MUC4: variants seen among roughly 807,000 people sequenced by gnomAD.
MUC4 encodes mucin-4.
A neutral mutation model predicts 257.9 loss-of-function variants in MUC4; 202 were observed. The observed-to-expected ratio is 0.78, with a 90% CI of 0.70 to 0.88. The LOEUF is 0.88. Among genes scored for constraint, MUC4 ranks in the 40% least tolerant of loss-of-function variants. The pLI, the probability that MUC4 is intolerant of heterozygous loss-of-function variation, is 0.00. For missense variants in MUC4, 5,976 were observed against 6,513.7 expected, an observed-to-expected ratio of 0.92 and a Z score of 2.84; for synonymous variants, 2,351 against 2,757.1, an observed-to-expected ratio of 0.85 and a Z score of 4.62.
intron 7 of MUC4, among the ~76,000 whole-genome samples, chr3:195,767,573 T>TCGC (rs1721137978): frequency 6.5e-5 from 4 of 61,904 alleles, no homozygotes; most frequent in Non-Finnish European, 1.2e-4. Context: ...GCCACCACCA[T>TCGC]CACCACCACC....
chr3:195,802,388 C>T (rs1270901606), intron 1 of MUC4, among the ~76,000 whole-genome samples: 1 of 152,242 alleles, frequency 6.6e-6, no homozygotes, highest in Non-Finnish European at 1.5e-5. Context: ...GTTCCGCACC[C>T]CTGCTCTCAG....
chr3:195,764,079 G>A lies in MUC4; in HGVS notation c.14010C>T (p.His4670=), dbSNP rs781407488. The change falls in exon 11 of 25, where the codon CAC becomes CAT. Residue 4670 remains histidine, a synonymous_variant. Transcript: ENST00000463781. ...GGGGCCTGTATGTAGCACAGCCCAC[G>A]TGGGGCCGCCTCTGCTGGTACAGGG... ...LCALYQQRRP[H]VGCATYRPPQ... 27 of 1,609,908 alleles carry A rather than the reference G, an allele frequency of 1.7e-5. No homozygotes were observed. Among genetic ancestry groups the A allele is most frequent in the South Asian group, 1.6e-4 (14 of 90,222 alleles).
At position 195,754,345 on chromosome 3, in the gene MUC4, T is replaced by C; in HGVS notation, c.15196A>G (p.Thr5066Ala). 1.2e-6 allele frequency: 2 copies of C among 1,610,670 alleles called. No individual in the cohort carries two copies. The highest frequency in any genetic ancestry group is 1.7e-6 in the Non-Finnish European group (2 of 1,178,966). Reference protein sequence around the residue: ...EVAGCKCDGGTFGRYCEGSED... With the variant: ...EVAGCKCDGGAFGRYCEGSED... ...GAGCCCTCGCAGTAGCGGCCGAAGG[T>C]GCCCCCGTCACACTTGCAGCCAGCC... Residue 5066 changes from threonine to alanine, a missense_variant, in exon 19 of 25, where the codon ACC becomes GCC. Coordinates refer to ENST00000463781, the MANE Select transcript of MUC4 (RefSeq NM_018406.7).
chr3:195,788,902 G>T lies in MUC4; in HGVS notation c.2678C>A (p.Ser893Tyr). The T allele has an allele frequency of 6.2e-7, 1 of 1,613,760 alleles. No individual in the cohort carries two copies. Among genetic ancestry groups the T allele is most frequent in the East Asian group, 2.2e-5 (1 of 44,874 alleles). Reference protein sequence around the residue: ...GRPTGQSSPTSPSASPQETAA... With the variant: ...GRPTGQSSPTYPSASPQETAA... ...TGTCTCCTGAGGAGAGGCACTGGGA[G>T]AAGTTGGGCTTGACTGTCCTGTCGG... The change falls in exon 2 of 25, where the codon TCT becomes TAT. Residue 893 changes from serine to tyrosine, a missense_variant. Physicochemically the swap from Ser to Tyr is moderately radical, Grantham distance 144. This residue lies in a region of MUC4 where 1,583 missense variants were observed against 1,257.4 expected (regional missense o/e 1.26). Coordinates refer to ENST00000463781, the MANE Select transcript of MUC4 (RefSeq NM_018406.7).
chr3:195,773,386 G>A (rs1036627008), intron 4 of MUC4, among the ~76,000 whole-genome samples: 16 of 150,620 alleles, frequency 1.1e-4, no homozygotes, highest in African/African-American at 3.7e-4. Flanking sequence ...TCACTCAGGG[G>A]TGCAGACACC....
In MUC4 at chr3:195,789,306, G is replaced by A; in HGVS notation, c.2274C>T (p.Ala758=). The A allele has an allele frequency of 6.2e-7, 1 of 1,613,942 alleles. No individual in the cohort carries two copies. Among genetic ancestry groups the A allele is most frequent in the Non-Finnish European group, 8.5e-7 (1 of 1,179,872 alleles). The change falls in exon 2 of 25, where the codon GCC becomes GCT. Residue 758 remains alanine (A), a synonymous_variant. Transcript: ENST00000463781. The part of the protein sequence containing the change: ...PGGPEGQWTS[A]SASTSPDTAA... ...CTGTGTCAGGTGAGGTGCTGGCAGA[G>A]GCTGATGTCCATTGTCCTTCTGGGC...
In MUC4 at chr3:195,774,206, A is replaced by G. The variant is rs750673118; in HGVS notation, c.13043T>C (p.Phe4348Ser). The change falls in exon 4 of 25, where the codon TTC (phenylalanine) becomes TCC (serine). Residue 4348 changes from phenylalanine (F) to serine (S), a missense_variant. Physicochemically the swap from Phe to Ser is radical, Grantham distance 155 (BLOSUM62 -2). Around this residue, in one of 44 missense-constraint regions of MUC4, gnomAD observed 233 missense variants for 171.2 expected, o/e 1.36. Transcript: ENST00000463781. Reference sequence around the variant, plus strand: ...ATCACGGAGAGAGGAGCCAAGGGGGAAGCCAGTCGCCGGCTTGAAGAGTGG... The same window carrying G: ...ATCACGGAGAGAGGAGCCAAGGGGGGAGCCAGTCGCCGGCTTGAAGAGTGG... ...TSPLFKPATG[F>S]PLGSSLRDSL... The G allele has an allele frequency of 2.5e-6, 4 of 1,608,334 alleles. No individual in the cohort carries two copies. The Admixed American group carries it at 6.7e-5, about 27-fold the overall frequency.
chr3:195,748,908 C>A lies in MUC4; in HGVS notation c.16028G>T (p.Arg5343Leu), dbSNP rs779517418. The A allele has an allele frequency of 6.3e-7, 1 of 1,579,246 alleles. No homozygotes were observed. Among genetic ancestry groups the A allele is most frequent in the Non-Finnish European group, 8.6e-7 (1 of 1,163,742 alleles). ...TGGCCACAGCCCTATGCACCTGCAG[C>A]GGGGCCCACTGGGCAGGTGCTGGCA... ...GQCQHLPSGP[R>L]CSCVSFSIYT... is the part of the protein sequence containing the mutation. The change falls in exon 24 of 25, where the codon CGC becomes CTC. Residue 5343 changes from arginine (R) to leucine (L), a missense_variant. By Grantham distance (102) the Arg-to-Leu change is moderately radical. Coordinates refer to ENST00000463781, the MANE Select transcript of MUC4 (RefSeq NM_018406.7).
rs1166897967 is a variant in MUC4, at chr3:195,791,083, G to A, written c.497C>T (p.Thr166Ile). ...TAGTESSTPV[T>I]SAVSITAGQE... Reference sequence around the variant, plus strand: ...TCCAGCTGTTATTGAGACTGCTGAGGTCACTGGGGTAGAACTTTCAGTTCC... The same window carrying A: ...TCCAGCTGTTATTGAGACTGCTGAGATCACTGGGGTAGAACTTTCAGTTCC... Residue 166 changes from threonine (T) to isoleucine (I), a missense_variant, in exon 2 of 25, where the codon ACC (threonine) becomes ATC (isoleucine). Around this residue, in one of 44 missense-constraint regions of MUC4, gnomAD observed 1,583 missense variants for 1,257.4 expected, o/e 1.26. Transcript: ENST00000463781. The A allele has an allele frequency of 6.2e-7, 1 of 1,613,710 alleles. No homozygotes were observed. Among genetic ancestry groups the A allele is most frequent in the Admixed American group, 1.7e-5 (1 of 60,002 alleles).
intron 7 of MUC4, among the ~76,000 whole-genome samples, chr3:195,767,940 C>T (rs2148847156): frequency 1.4e-5 from 1 of 73,990 alleles, no homozygotes; most frequent in South Asian, 5.2e-4. Flanking sequence ...ACCGCCACTA[C>T]CACCACCACC....
intron 3 of MUC4, among the ~76,000 whole-genome samples, chr3:195,776,100 C>T (rs1436119295): frequency 6.1e-5 from 2 of 32,594 alleles, no homozygotes; most frequent in Admixed American, 2.6e-4. Flanking sequence ...CCTTCCACAC[C>T]CATACCTTCC....
intron 4 of MUC4, among the ~76,000 whole-genome samples, chr3:195,773,616 T>C (rs1196239616): frequency 6.3e-5 from 8 of 126,704 alleles, no homozygotes; most frequent in African/African-American, 2.0e-4. Context: ...ACCCTCTCTC[T>C]ATCGCTCAGC....
At chr3:195,767,630 T>TCAC (rs1240458054) in intron 7 of MUC4, among the ~76,000 whole-genome samples, 14 of 26,706 alleles carry the variant, frequency 5.2e-4, no homozygotes, top group East Asian at 1.5e-3. Flanking sequence ...ATCACCACCA[T>TCAC]CACCACCACC....
intron 4 of MUC4, among the ~76,000 whole-genome samples, chr3:195,773,583 G>T (rs74492031): frequency 1.8e-5 from 2 of 110,332 alleles, no homozygotes; most frequent in South Asian, 2.9e-4. Context: ...ACACCCTCTC[G>T]CCATCGCTCA....
rs199896027 is a variant in MUC4 at position 195,779,411 on chromosome 3, A to C, written c.12169T>G (p.Leu4057Val). Residue 4057 changes from leucine (L) to valine (V), a missense_variant, in exon 2 of 25, where the codon TTA (leucine) becomes GTA (valine). Physicochemically the swap from Leu to Val is conservative, Grantham distance 32 (BLOSUM62 1). This residue lies in a region of MUC4 where 293 missense variants were observed against 294.5 expected (regional missense o/e 1.00). Transcript: ENST00000463781. The part of the protein sequence containing the change: ...TPLPVTNASS[L>V]STGHATPLHV... ...AGAGGGGTGGCGTGACCTGTGGATA[A>C]TGAGGAAGCATTGGTGACAGGAAGA... The C allele has an allele frequency of 7.2e-3, 4,145 of 579,642 alleles. 717 individuals carry two copies. Among genetic ancestry groups the C allele is most frequent in the Middle Eastern group, 0.028 (39 of 1,400 alleles). The allele number at this position is 579,642 out of a possible 1,614,324, so 35.9% of individuals were successfully genotyped here. A position where few individuals can be genotyped will look rare whatever the true frequency, so the allele number is the denominator to read the frequency against.
At position 195,771,664 on chromosome 3, in the gene MUC4, G is replaced by C; in HGVS notation, c.13230C>G (p.Thr4410=). The stretch of plus-strand genomic sequence containing the variant: ...TTGAAAGGCTCACCTGATAAAATGT[G>C]GTCCCCCGACCAGTGGAGAAGTCAG... ...DDADFSTGRG[T]TFYQEYETFY... Residue 4410 remains threonine, a synonymous_variant, in exon 5 of 25, where the codon ACC becomes ACG. Coordinates refer to ENST00000463781, the MANE Select transcript of MUC4 (RefSeq NM_018406.7). 7 of 1,613,456 alleles carry C rather than the reference G, an allele frequency of 4.3e-6. No homozygotes were observed. The highest frequency in any genetic ancestry group is 5.1e-6 in the Non-Finnish European group (6 of 1,179,518).
intron 16 of MUC4, 63 bp downstream of exon 16, chr3:195,760,821 C>T (rs1181666046): frequency 7.3e-7 from 1 of 1,369,816 alleles, no homozygotes; most frequent in East Asian, 2.3e-5. Flanking sequence ...CAGGGTCAGG[C>T]AAGGGCAGCT....
chr3:195,767,900 A>ACCACCACCACCATCG lies in MUC4; in HGVS notation c.13529+1121_13529+1122insCGATGGTGGTGGTGG, dbSNP rs1296450283. ...CATCACCACCATCACCACCACCATC[A>ACCACCACCACCATCG]CCACCATCACCATCGCCACTGCCAC... On this transcript the variant is annotated intron_variant, in intron 7 of 24. Transcript: ENST00000463781. Among the ~76,000 whole-genome samples the ACCACCACCACCATCG allele has an allele frequency of 9.8e-5, 13 of 132,360 alleles. 1 individual carries two copies. The highest frequency in any genetic ancestry group is 1.8e-4 in the Non-Finnish European group (12 of 66,458). The allele number at this position is 132,360 out of a possible 152,430, so 86.8% of individuals were successfully genotyped here.
chr3:195,793,420 T>G (rs559453976), intron 1 of MUC4, among the ~76,000 whole-genome samples: 12 of 151,986 alleles, frequency 7.9e-5, no homozygotes, highest in Non-Finnish European at 1.3e-4. Flanking sequence ...GAGAATTGCT[T>G]GAACCCAGGA....
Sources: allele counts gnomAD v4.1 joint callset (sites outside exome capture counted in the v4.1 genomes callset), GRCh38; gene constraint gnomAD v4.1.1; regional missense constraint gnomAD v4.1.1; transcripts MANE v1.5; gene names NCBI Gene and HGNC (gene_info 2026-07-23, HGNC 2026-07-21).